MBTD1: variants seen among roughly 807,000 people sequenced by gnomAD.
MBTD1 encodes the protein mbt domain containing 1, also known as MBT domain-containing protein 1.
MBTD1 carries 24 observed loss-of-function variants against 87.8 expected under a neutral mutation model. The ratio of observed to expected loss-of-function variants is 0.27; its 90% CI spans 0.20 to 0.38. The LOEUF is 0.38. Among genes scored for constraint, MBTD1 ranks in the 10% least tolerant of loss-of-function variants. MBTD1 has a pLI of 1.00. For missense variants in MBTD1, 436 were observed against 760.2 expected (o/e 0.57, Z 5.02); for synonymous variants, 237 against 248.6 (o/e 0.95, Z 0.44).
rs1165717944 is a variant in MBTD1 at position 51,190,721 on chromosome 17, C to CAAAA, written c.1768+1478_1768+1481dup. Reference sequence around the variant, plus strand: ...TGGGCGACAGACTGAGACTCTGTCTCAAAAAAAAAAAAAAAAAAAAAAAAA... The same window carrying CAAAA: ...TGGGCGACAGACTGAGACTCTGTCTCAAAAAAAAAAAAAAAAAAAAAAAAAAAAA... On this transcript the variant is annotated intron_variant, in intron 16 of 16. Transcript: ENST00000586178. Among the ~76,000 whole-genome samples the CAAAA allele has an allele frequency of 1.1e-3, 40 of 35,150 alleles. 2 individuals are homozygous for CAAAA. Among genetic ancestry groups the CAAAA allele is most frequent in the East Asian group, 2.3e-3 (2 of 862 alleles). 23.1% of individuals were successfully genotyped at this position (35,150 alleles called of 152,430 possible).
chr17:51,217,311 A>C, intron 6 of MBTD1, 23 bp downstream of exon 6: 2 of 1,383,950 alleles, frequency 1.4e-6, no homozygotes, highest in Non-Finnish European at 2.0e-6. Context: ...ACTTCAAAAT[A>C]AGGTGAGAAA....
At chr17:51,239,939 A>G (rs1367875868) in intron 2 of MBTD1, among the ~76,000 whole-genome samples, 1 of 152,138 alleles carries the variant, frequency 6.6e-6, no homozygotes, top group Non-Finnish European at 1.5e-5. Context: ...TCGTCAACTG[A>G]CTCAACAACA....
At chr17:51,244,909 AT>A (rs796868983) in intron 2 of MBTD1, among the ~76,000 whole-genome samples, 15 of 147,670 alleles carry the variant, frequency 1.0e-4, no homozygotes, top group Non-Finnish European at 2.1e-4. Flanking sequence ...TCTACAGAGC[AT>A]TTTTTTTTTA....
At chr17:51,245,938 A>C (rs2054409618) in intron 2 of MBTD1, among the ~76,000 whole-genome samples, 1 of 152,224 alleles carries the variant, frequency 6.6e-6, no homozygotes. Context: ...TTAACTTTGG[A>C]AAAAGTGACA....
At chr17:51,190,780 T>C (rs1430209583) in intron 16 of MBTD1, among the ~76,000 whole-genome samples, 6 of 101,762 alleles carry the variant, frequency 5.9e-5, no homozygotes, top group Non-Finnish European at 1.9e-5. Flanking sequence ...TAACCTTATC[T>C]AAGAATGAAA....
Position 51,197,087 on chromosome 17 carries a change from T to G in MBTD1, c.1225-1726A>C, listed in dbSNP as rs1388673911. 5.0e-3 allele frequency among the ~76,000 whole-genome samples: 60 copies of G among 11,956 alleles called. 9 individuals are homozygous for G. Among genetic ancestry groups the G allele is most frequent in the Middle Eastern group, 0.036 (1 of 28 alleles). The allele number at this position is 11,956 out of a possible 152,430, so 7.8% of individuals were successfully genotyped here. A position where few individuals can be genotyped will look rare whatever the true frequency, so the allele number is the denominator to read the frequency against. ...ATATATATATATATATATATATATATATATATATATATATATATATATATA... is the reference window on the plus strand; with the variant it reads ...ATATATATATATATATATATATATAGATATATATATATATATATATATATA... On this transcript the variant is annotated intron_variant, in intron 12 of 16. Coordinates refer to ENST00000586178, the MANE Select transcript of MBTD1 (RefSeq NM_017643.3).
At chr17:51,189,722 C>T (rs371366681) in intron 16 of MBTD1, among the ~76,000 whole-genome samples, 1 of 152,164 alleles carries the variant, frequency 6.6e-6, no homozygotes, top group East Asian at 1.9e-4. Flanking sequence ...AAAGTCTTAT[C>T]CAACAGAAAG....
chr17:51,205,661 T>C (rs886083313), intron 7 of MBTD1, among the ~76,000 whole-genome samples: 2 of 152,130 alleles, frequency 1.3e-5, no homozygotes, highest in African/African-American at 4.8e-5. Flanking sequence ...AGAGGGAGAC[T>C]GGCCTCATCA....
upstream of MBTD1, among the ~76,000 whole-genome samples, chr17:51,260,370 C>A (rs1322063477): frequency 6.6e-6 from 1 of 152,252 alleles, no homozygotes; most frequent in Non-Finnish European, 1.5e-5. Context: ...CCCCTACACC[C>A]GGAAGATTGG....
chr17:51,259,285 A>G, intron 1 of MBTD1, 79 bp from the exon 2 acceptor site: 1 of 1,230,476 alleles, frequency 8.1e-7, no homozygotes, highest in Non-Finnish European at 1.0e-6. Context: ...CCTTTTAAAT[A>G]TGCAGCCTTG....
intron 6 of MBTD1, among the ~76,000 whole-genome samples, chr17:51,212,425 T>C (rs576816771): frequency 1.6e-4 from 24 of 147,302 alleles, no homozygotes; most frequent in African/African-American, 2.6e-5. Flanking sequence ...TCTGCATCTA[T>C]GTGTACAAAT....
Position 51,207,116 on chromosome 17 carries a change from T to C in MBTD1, c.487-111A>G, listed in dbSNP as rs528999150. ...TAGGAATATTAAACTAAAAATGTCA[T>C]TTTAATTCCGTTTGTTTCCTAGAAT... On this transcript the variant is annotated intron_variant, in intron 6 of 16. Coordinates refer to ENST00000586178, the MANE Select transcript of MBTD1 (RefSeq NM_017643.3). 5.3e-6 allele frequency: 3 copies of C among 563,588 alleles called. No homozygotes were observed. In the African/African-American group the frequency reaches 5.6e-5, roughly 11 times the overall value. The allele number at this position is 563,588 out of a possible 1,614,324, so 34.9% of individuals were successfully genotyped here.
intron 2 of MBTD1, among the ~76,000 whole-genome samples, chr17:51,243,218 T>C (rs920395871): frequency 2.6e-5 from 4 of 152,084 alleles, no homozygotes; most frequent in Admixed American, 2.0e-4. Flanking sequence ...GTGCTGGGAA[T>C]GTATTGCCAA....
intron 16 of MBTD1, chr17:51,183,185 T>G (rs1451948366): frequency 6.7e-6 from 1 of 149,296 alleles, no homozygotes; most frequent in African/African-American, 2.5e-5. Flanking sequence ...TTTTTTTTTT[T>G]TTTTTAAGAT....
intron 2 of MBTD1, among the ~76,000 whole-genome samples, chr17:51,252,911 TAAATA>T (rs1555700284): frequency 6.6e-6 from 1 of 151,820 alleles, no homozygotes; most frequent in Non-Finnish European, 1.5e-5. Context: ...ATTCATATAC[TAAATA>T]AATAATATAA....
intron 2 of MBTD1, among the ~76,000 whole-genome samples, chr17:51,255,119 A>T (rs893507280): frequency 1.3e-5 from 2 of 152,036 alleles, no homozygotes; most frequent in Non-Finnish European, 2.9e-5. Context: ...CACCTCTACT[A>T]AAAATACAAA....
rs866328709 is a variant in MBTD1 at position 51,198,897 on chromosome 17, G to A, written c.1224+2695C>T. ...AGCTCACTGCAACCTCCACCTCCCA[G>A]GTTCAAGTGATTCTCTTGCCTTAGC... On this transcript the variant is annotated intron_variant, in intron 12 of 16. Transcript: ENST00000586178. Among the ~76,000 whole-genome samples, 29 of 152,262 alleles carry A rather than the reference G, an allele frequency of 1.9e-4. No individual in the cohort carries two copies. In the Middle Eastern group the frequency reaches 0.014, roughly 71 times the overall value.
intron 16 of MBTD1, among the ~76,000 whole-genome samples, chr17:51,182,496 T>C (rs755810299): frequency 9.9e-5 from 15 of 152,114 alleles, no homozygotes; most frequent in African/African-American, 3.4e-4. Flanking sequence ...CACATGAAAA[T>C]CTGAAAAGTA....
rs1393341044 is a variant in MBTD1, at chr17:51,195,268, TAGA to T, written c.1315_1317del (p.Ser439del). The T allele has an allele frequency of 1.9e-6, 3 of 1,612,950 alleles. No individual in the cohort carries two copies. Among genetic ancestry groups the T allele is most frequent in the Non-Finnish European group, 2.5e-6 (3 of 1,179,528 alleles). Reference sequence around the variant, plus strand: ...ATTTCACAGAAACCGACAGGGAAAATAGAAGGAGAGGTTGCATGGTAACAGAAC... The same window carrying T: ...ATTTCACAGAAACCGACAGGGAAAATAGGAGAGGTTGCATGGTAACAGAAC... On this transcript the variant is annotated inframe_deletion, in exon 13 of 17. Coordinates refer to ENST00000586178, the MANE Select transcript of MBTD1 (RefSeq NM_017643.3).
Sources: gnomAD v4.1 joint callset for allele counts (sites outside exome capture counted in the v4.1 genomes callset) on GRCh38, gnomAD v4.1.1 for gene constraint, MANE v1.5 for transcripts, NCBI Gene and HGNC (gene_info 2026-07-23, HGNC 2026-07-21) for gene names.